MUSK: variants seen among roughly 807,000 people sequenced by gnomAD.
MUSK encodes muscle associated receptor tyrosine kinase, also known as muscle, skeletal receptor tyrosine-protein kinase.
In MUSK, 55 loss-of-function variants were observed where a neutral mutation model predicts 88.7. The observed-to-expected ratio is 0.62, with a 90% confidence interval of 0.50 to 0.78. The LOEUF (loss-of-function observed/expected upper bound fraction) is 0.78, where lower values mean the gene tolerates loss of function less well. MUSK is among the 30% of genes least tolerant of loss of function. MUSK has a pLI of 0.00. For synonymous variants in MUSK, 387 were observed against 391.9 expected (o/e 0.99, Z 0.15); for missense variants, 1,015 against 1,074.3 (o/e 0.94, Z 0.77).
At chr9:110,712,410 C>A (rs182898420) in intron 5 of MUSK, among the ~76,000 whole-genome samples, 16 of 152,050 alleles carry the variant, frequency 1.1e-4, no homozygotes, top group African/African-American at 3.6e-4. Context: ...TATCAATATA[C>A]CTTCCTTAAG....
intron 1 of MUSK, among the ~76,000 whole-genome samples, chr9:110,680,054 G>A (rs1282317303): frequency 6.6e-6 from 1 of 151,974 alleles, no homozygotes; most frequent in Non-Finnish European, 1.5e-5. Flanking sequence ...TCCTTAGTGA[G>A]TTTATTTACT....
rs961520295 is a variant in MUSK, at chr9:110,703,161, G to T, written c.628+5695G>T. ...CAACATAATATACAAAGAAAATTCA[G>T]TTAACCACATAACATCATAGAAATT... On this transcript the variant is annotated intron_variant, in intron 5 of 14. Coordinates refer to ENST00000374448, the MANE Select transcript of MUSK (RefSeq NM_005592.4). 2.0e-5 allele frequency among the ~76,000 whole-genome samples: 3 copies of T among 152,094 alleles called. No homozygotes were observed. The East Asian group carries it at 5.8e-4, about 29-fold the overall frequency.
chr9:110,701,988 C>T (rs2076534198), intron 5 of MUSK, among the ~76,000 whole-genome samples: 2 of 148,940 alleles, frequency 1.3e-5, no homozygotes, highest in Admixed American at 1.4e-4. Flanking sequence ...AGCAATCCTC[C>T]AGCCTTGACC....
At chr9:110,751,368 G>A (rs1469262595) in intron 7 of MUSK, among the ~76,000 whole-genome samples, 2 of 152,110 alleles carry the variant, frequency 1.3e-5, no homozygotes, top group African/African-American at 4.8e-5. Flanking sequence ...GGTGTAGGGA[G>A]AGGTCATCTT....
intron 5 of MUSK, among the ~76,000 whole-genome samples, chr9:110,713,864 A>G (rs1325182832): frequency 6.6e-6 from 1 of 152,196 alleles, no homozygotes; most frequent in Non-Finnish European, 1.5e-5. Flanking sequence ...GCTTAGATCA[A>G]AAAAGTTATT....
chr9:110,758,864 G>T (rs1564271469), intron 7 of MUSK, among the ~76,000 whole-genome samples: 2 of 152,238 alleles, frequency 1.3e-5, no homozygotes, highest in Non-Finnish European at 2.9e-5. Context: ...GAAGGTGAAA[G>T]ATCTCTGCAA....
chr9:110,752,207 T>A (rs1357429095), intron 7 of MUSK, among the ~76,000 whole-genome samples: 1 of 152,200 alleles, frequency 6.6e-6, no homozygotes, highest in Non-Finnish European at 1.5e-5. Flanking sequence ...GACCTGCTCT[T>A]GTGAGTTAGA....
chr9:110,755,690 G>A (rs997845430), intron 7 of MUSK, among the ~76,000 whole-genome samples: 1 of 151,856 alleles, frequency 6.6e-6, no homozygotes, highest in African/African-American at 2.4e-5. Context: ...CAGGAACATG[G>A]AGAGTAGACA....
At chr9:110,765,604 C>T (rs1295907371) in intron 8 of MUSK, among the ~76,000 whole-genome samples, 5 of 152,096 alleles carry the variant, frequency 3.3e-5, no homozygotes, top group Non-Finnish European at 7.4e-5. Flanking sequence ...GACAGAGTCT[C>T]GCTCTGTCAC....
At position 110,802,299 on chromosome 9, in the gene MUSK, A is replaced by G. The variant is rs1420311033; in HGVS notation, c.*1311A>G. 6.6e-6 allele frequency among the ~76,000 whole-genome samples: 1 copy of G among 152,098 alleles called. No homozygotes were observed. Among genetic ancestry groups the G allele is most frequent in the Non-Finnish European group, 1.5e-5 (1 of 68,034 alleles). On this transcript the variant is annotated 3_prime_UTR_variant, in exon 15 of 15. Coordinates refer to ENST00000374448, the MANE Select transcript of MUSK (RefSeq NM_005592.4). ...TTTTCTCAGTGGATCCTCACACAAT[A>G]CATCTTTATCTAAGTCCATACATGA...
At chr9:110,773,832 T>A (rs2077620339) in intron 9 of MUSK, among the ~76,000 whole-genome samples, 1 of 152,216 alleles carries the variant, frequency 6.6e-6, no homozygotes, top group Admixed American at 6.5e-5. Flanking sequence ...TCCTGACTTT[T>A]GTTCCTTTGT....
At chr9:110,731,863 GT>G (rs1467005724) in intron 5 of MUSK, among the ~76,000 whole-genome samples, 1 of 151,778 alleles carries the variant, frequency 6.6e-6, no homozygotes, top group African/African-American at 2.4e-5. Flanking sequence ...ATAATCAGAG[GT>G]TTCACAATAA....
intron 7 of MUSK, among the ~76,000 whole-genome samples, chr9:110,758,260 G>A (rs1040158886): frequency 6.6e-6 from 1 of 152,122 alleles, no homozygotes; most frequent in African/African-American, 2.4e-5. Context: ...CACCATGCCT[G>A]GCCCTAATTG....
intron 2 of MUSK, 83 bp from the exon 3 acceptor site, chr9:110,687,034 C>A: frequency 7.2e-7 from 1 of 1,386,480 alleles, no homozygotes; most frequent in Non-Finnish European, 9.9e-7. Flanking sequence ...TCCTCATTAA[C>A]AAGTCATCGG....
Position 110,768,938 on chromosome 9 carries a change from TC to T in MUSK, c.1184+856del, listed in dbSNP as rs1380641187. On this transcript the variant is annotated intron_variant, in intron 9 of 14. Transcript: ENST00000374448. ...GATAAATTTATGTTCAATAGAATTA[TC>T]TTCATCTTTAATTACTTCTTATGTA... 5.3e-5 allele frequency among the ~76,000 whole-genome samples: 8 copies of T among 152,346 alleles called. No individual in the cohort carries two copies. The South Asian group carries it at 1.2e-3, about 24-fold the overall frequency.
chr9:110,751,136 A>C (rs1371970750), intron 7 of MUSK, among the ~76,000 whole-genome samples: 1 of 152,190 alleles, frequency 6.6e-6, no homozygotes, highest in East Asian at 1.9e-4. Flanking sequence ...TCCCATGGAC[A>C]CAATCTTTAA....
intron 1 of MUSK, among the ~76,000 whole-genome samples, chr9:110,680,311 T>A (rs1292625153): frequency 3.9e-5 from 6 of 152,136 alleles, no homozygotes; most frequent in African/African-American, 1.4e-4. Context: ...TGGTAGAGTT[T>A]AAGATTTTAT....
chr9:110,724,130 T>C lies in MUSK; in HGVS notation c.629-10121T>C, dbSNP rs2076852865. 2.0e-5 allele frequency among the ~76,000 whole-genome samples: 3 copies of C among 152,150 alleles called. No homozygotes were observed. The South Asian group carries it at 6.2e-4, about 32-fold the overall frequency. The stretch of plus-strand genomic sequence containing the variant: ...AATTTCTAGCATTTCTACTATTATA[T>C]GTATTTCAATTTTGCCTGTTTGTTT... On this transcript the variant is annotated intron_variant, in intron 5 of 14. Coordinates refer to ENST00000374448, the MANE Select transcript of MUSK (RefSeq NM_005592.4).
chr9:110,775,008 C>T (rs1256150330), intron 9 of MUSK, among the ~76,000 whole-genome samples: 1 of 151,856 alleles, frequency 6.6e-6, no homozygotes, highest in African/African-American at 2.4e-5. Flanking sequence ...CCCCAAATAC[C>T]TTAATTTGAA....
Sources: gnomAD v4.1 joint callset for allele counts (sites outside exome capture counted in the v4.1 genomes callset) on GRCh38, gnomAD v4.1.1 for gene constraint, MANE v1.5 for transcripts, NCBI Gene and HGNC (gene_info 2026-07-23, HGNC 2026-07-21) for gene names.